PCDH1: variants seen among roughly 807,000 people sequenced by gnomAD.
PCDH1 encodes protocadherin-1.
PCDH1 carries 23 observed loss-of-function variants against 74.6 expected under a neutral mutation model. The observed-to-expected ratio is 0.31, with a 90% CI of 0.22 to 0.44. PCDH1 has a LOEUF of 0.44. Ranked by LOEUF, PCDH1 falls within the 20% of genes least tolerant of loss-of-function variation. The probability of loss-of-function intolerance (pLI) is 1.00; values close to 1 mark genes in which losing one functional copy is unlikely to be tolerated. For synonymous variants in PCDH1, 647 were observed against 686.1 expected (o/e 0.94, Z 0.89); for missense variants, 1,214 against 1,641.4 (o/e 0.74, Z 4.50).
rs532801439 is a variant in PCDH1, at chr5:141,876,574, C to A, written c.40+1649G>T. ...CCTGGCAGAAGAAATAGTAGCCGAC[C>A]ACTGTTGGGGAAACTGAGGCCAGAA... On this transcript the variant is annotated intron_variant, in intron 1 of 4. Transcript: ENST00000287008. Among the ~76,000 whole-genome samples the A allele has an allele frequency of 6.1e-4, 93 of 152,342 alleles. 1 individual carries two copies. Among genetic ancestry groups the A allele is most frequent in the Admixed American group, 1.3e-3 (20 of 15,312 alleles).
In PCDH1 at chr5:141,868,596, A is replaced by C. The variant is rs766686322; in HGVS notation, c.876T>G (p.Asn292Lys). The change falls in exon 2 of 5, where the codon AAT (asparagine) becomes AAG (lysine). Residue 292 changes from asparagine (N) to lysine (K), a missense_variant. Physicochemically the swap from Asn to Lys is moderately conservative, Grantham distance 94. Transcript: ENST00000287008. This position sits in a 1 kb window ranked among gnomAD's most constrained non-coding sequence, Gnocchi z 4.8. ...RPSYEAELSENSPIGHSVIQV... is the reference protein window; with the variant it reads ...RPSYEAELSEKSPIGHSVIQV... ...GGATGACCGAGTGGCCTATGGGGCT[A>C]TTCTCAGATAGTTCGGCCTCATAGG... is the stretch of plus-strand genomic sequence containing the variant. The C allele has an allele frequency of 3.8e-6, 6 of 1,561,788 alleles. No homozygotes were observed. The East Asian group carries it at 1.1e-4, about 29-fold the overall frequency.
intron 4 of PCDH1, among the ~76,000 whole-genome samples, chr5:141,856,925 A>G (rs1217524226): frequency 1.3e-5 from 2 of 152,104 alleles, no homozygotes; most frequent in Admixed American, 6.5e-5. Flanking sequence ...CCGTGTAAAC[A>G]TGGTGCCGAA....
chr5:141,868,991 T>A lies in PCDH1; in HGVS notation c.481A>T (p.Ile161Phe), dbSNP rs766283966. The change falls in exon 2 of 5, where the codon ATC becomes TTC. Residue 161 changes from isoleucine to phenylalanine, a missense_variant. This residue lies in a region of PCDH1 where 97 missense variants were observed against 173.2 expected (regional missense o/e 0.56). Coordinates refer to ENST00000287008, the MANE Select transcript of PCDH1 (RefSeq NM_032420.5). The surrounding 1 kb of genome is among the most constrained non-coding windows in gnomAD (Gnocchi z 4.8). ...LLEGQIEVQD[I>F]NDNTPNFASP... ...GCGAAGTTGGGTGTGTTGTCATTGA[T>A]GTCTTGTACTTCTATCTGGCCCTCT... 1 of 1,614,182 alleles carries A rather than the reference T, an allele frequency of 6.2e-7. No individual in the cohort carries two copies. Among genetic ancestry groups the A allele is most frequent in the South Asian group, 1.1e-5 (1 of 91,086 alleles).
At chr5:141,877,733 A>G (rs1027499496) in intron 1 of PCDH1, among the ~76,000 whole-genome samples, 13 of 152,128 alleles carry the variant, frequency 8.5e-5, no homozygotes, top group African/African-American at 2.9e-4. Context: ...ATGTGTGTAT[A>G]TATGTCCACG....
chr5:141,870,919 AC>A (rs1753076650), intron 1 of PCDH1, among the ~76,000 whole-genome samples: 1 of 151,798 alleles, frequency 6.6e-6, no homozygotes, highest in African/African-American at 2.4e-5. Flanking sequence ...TGGAACACCC[AC>A]CCCACATCAA....
intron 1 of PCDH1, among the ~76,000 whole-genome samples, chr5:141,877,516 T>C (rs1753271026): frequency 6.6e-6 from 1 of 152,148 alleles, no homozygotes; most frequent in Non-Finnish European, 1.5e-5. Context: ...GCTGTGACAC[T>C]CGTACATGAG....
chr5:141,873,293 ATTT>A (rs548141067), intron 1 of PCDH1, among the ~76,000 whole-genome samples: 58 of 123,516 alleles, frequency 4.7e-4, no homozygotes, highest in African/African-American at 1.1e-3. Flanking sequence ...GCCCGGCTAA[ATTT>A]TTTTTTTTTT....
intron 3 of PCDH1, among the ~76,000 whole-genome samples, chr5:141,861,688 C>A (rs1011236080): frequency 1.3e-5 from 2 of 152,086 alleles, no homozygotes; most frequent in East Asian, 3.9e-4. Context: ...AGAGCTGGAG[C>A]CTTGGTCCTC....
At chr5:141,873,451 G>T (rs775581005) in intron 1 of PCDH1, among the ~76,000 whole-genome samples, 2 of 135,976 alleles carry the variant, frequency 1.5e-5, no homozygotes, top group Admixed American at 1.5e-4. Flanking sequence ...TCCTGCAAAC[G>T]TTTTTTTTTT....
chr5:141,866,875 C>A (rs1752864242), intron 2 of PCDH1, among the ~76,000 whole-genome samples: 1 of 152,170 alleles, frequency 6.6e-6, no homozygotes, highest in South Asian at 2.1e-4. Context: ...AGTGCTAATG[C>A]AGTAGTGGGC....
Position 141,854,382 on chromosome 5 carries a change from C to T in PCDH1, c.3374G>A (p.Ser1125Asn), listed in dbSNP as rs1290003466. 1 of 1,613,412 alleles carries T rather than the reference C, an allele frequency of 6.2e-7. No homozygotes were observed. Among genetic ancestry groups the T allele is most frequent in the Non-Finnish European group, 8.5e-7 (1 of 1,179,922 alleles). ...GCATGTGTCAGAGTGGCCAAACTCA[C>T]TGCACTCCCGGGTACATGTGCCTGT... ...AMTGTCTREC[S>N]EFGHSDTCWM... Residue 1125 changes from serine (S) to asparagine (N), a missense_variant, in exon 5 of 5, where the codon AGT (serine) becomes AAT (asparagine). Ser to Asn is a conservative substitution (Grantham distance 46). This residue lies in a region of PCDH1 where 194 missense variants were observed against 198.3 expected (regional missense o/e 0.98). Coordinates refer to ENST00000287008, the MANE Select transcript of PCDH1 (RefSeq NM_032420.5).
intron 4 of PCDH1, among the ~76,000 whole-genome samples, chr5:141,854,777 T>G (rs1752265059): frequency 6.6e-6 from 1 of 151,930 alleles, no homozygotes; most frequent in Non-Finnish European, 1.5e-5. Context: ...GTTCAAGCAA[T>G]TCTTTTGCCT....
Position 141,869,634 on chromosome 5 carries a change from C to T in PCDH1, c.41-203G>A, listed in dbSNP as rs1753037771. 6.5e-7 allele frequency: 1 copy of T among 1,533,952 alleles called. No individual in the cohort carries two copies. ...AGCTGGGTGTAGCAGCAGTGTCTGC[C>T]CCAGCTGGAGGAGCCAGTAAGAGGC... On this transcript the variant is annotated intron_variant, in intron 1 of 4. Transcript: ENST00000287008. The surrounding 1 kb of genome is among the most constrained non-coding windows in gnomAD (Gnocchi z 4.9).
In PCDH1 at chr5:141,863,738, C is replaced by T. The variant is rs1289743965; in HGVS notation, c.2593G>A (p.Ala865Thr). 1 of 1,614,216 alleles carries T rather than the reference C, an allele frequency of 6.2e-7. No homozygotes were observed. The highest frequency in any genetic ancestry group is 8.5e-7 in the Non-Finnish European group (1 of 1,180,026). Residue 865 changes from alanine (A) to threonine (T), a missense_variant, in exon 3 of 5, where the codon GCC becomes ACC. Ala to Thr is a moderately conservative substitution (Grantham distance 58, BLOSUM62 0). Transcript: ENST00000287008. This position sits in a 1 kb window ranked among gnomAD's most constrained non-coding sequence, Gnocchi z 7.5. ...AGAACCGCCAGGGCGATGAGCAAGG[C>T]CACGGCCACCACACCAGCCACCACA... ...FGVVAGVVAV[A>T]LLIALAVLVR...
Position 141,863,010 on chromosome 5 carries a change from G to C in PCDH1, c.3099+222C>G. The C allele has an allele frequency of 7.8e-7, 1 of 1,277,302 alleles. No homozygotes were observed. Among genetic ancestry groups the C allele is most frequent in the Non-Finnish European group, 9.9e-7 (1 of 1,013,286 alleles). 79.1% of individuals were successfully genotyped at this position (1,277,302 alleles called of 1,614,324 possible). A position where few individuals can be genotyped will look rare whatever the true frequency, so the allele number is the denominator to read the frequency against. The stretch of plus-strand genomic sequence containing the variant: ...GTCTCTCCCCAGTGGGGAGAGGGCA[G>C]GGAGGAGACCACAGAGCACACCCTC... On this transcript the variant is annotated intron_variant, in intron 3 of 4. Transcript: ENST00000287008. This position sits in a 1 kb window ranked among gnomAD's most constrained non-coding sequence, Gnocchi z 7.5.
intron 1 of PCDH1, among the ~76,000 whole-genome samples, chr5:141,872,121 A>ACCCCCCCCCCCCCCC (rs1196032159): frequency 2.3e-5 from 2 of 88,794 alleles, no homozygotes; most frequent in African/African-American, 1.1e-4. Context: ...ATTTGGATCC[A>ACCCCCCCCCCCCCCC]CCCCCCACCC....
intron 3 of PCDH1, among the ~76,000 whole-genome samples, chr5:141,861,226 T>TCAATTGC (rs1163855759): frequency 9.4e-5 from 14 of 149,670 alleles, no homozygotes; most frequent in Non-Finnish European, 4.4e-5. Flanking sequence ...CTCAAGACAC[T>TCAATTGC]CAATTGCCTC....
intron 2 of PCDH1, among the ~76,000 whole-genome samples, chr5:141,867,048 G>A (rs1161070105): frequency 6.6e-6 from 1 of 152,146 alleles, no homozygotes; most frequent in East Asian, 1.9e-4. Context: ...AACCCTAACA[G>A]TTTCTCCTCC....
chr5:141,878,243 CCG>C lies in PCDH1; in HGVS notation c.18_19del (p.Gly7ProfsTer100). The C allele has an allele frequency of 1.5e-6, 2 of 1,368,820 alleles. No homozygotes were observed. Among genetic ancestry groups the C allele is most frequent in the Admixed American group, 3.1e-5 (1 of 32,092 alleles). The allele number at this position is 1,368,820 out of a possible 1,614,324, so 84.8% of individuals were successfully genotyped here. Reference sequence around the variant, plus strand: ...CTTACCCGCCTCCGGGCAGCGCCGGCCGCCCGCCCCGCTGTCCATGAGCCGCC... The same window carrying C: ...CTTACCCGCCTCCGGGCAGCGCCGGCCCCGCCCCGCTGTCCATGAGCCGCC... On this transcript the variant is annotated frameshift_variant, in exon 1 of 5. Coordinates refer to ENST00000287008, the MANE Select transcript of PCDH1 (RefSeq NM_032420.5). LOFTEE classifies it high-confidence loss of function. The surrounding 1 kb of genome is among the most constrained non-coding windows in gnomAD (Gnocchi z 5.5).
Sources: gnomAD v4.1 joint callset for allele counts (sites outside exome capture counted in the v4.1 genomes callset) on GRCh38, gnomAD v4.1.1 for gene constraint, gnomAD v4.1.1 regional missense constraint, Gnocchi (gnomAD v3.1) non-coding constraint, MANE v1.5 for transcripts, NCBI Gene and HGNC (gene_info 2026-07-23, HGNC 2026-07-21) for gene names.